Variants in SLC22A3 observed in about 807,000 individuals in gnomAD.
The protein encoded by SLC22A3 is solute carrier family 22 member 3.
A neutral mutation model predicts 59.1 loss-of-function variants in SLC22A3; 51 were observed. The observed-to-expected ratio is 0.86, with a 90% CI of 0.69 to 1.09. The LOEUF is 1.09. Ranked by LOEUF, SLC22A3 falls within the 50% of genes least tolerant of loss-of-function variation. SLC22A3 has a pLI of 0.00. For missense variants in SLC22A3, 711 were observed against 726.3 expected (o/e 0.98, Z 0.24); for synonymous variants, 325 against 292.0 (o/e 1.11, Z -1.15).
At chr6:160,371,049 T>C (rs976302153) in intron 1 of SLC22A3, among the ~76,000 whole-genome samples, 1 of 152,208 alleles carries the variant, frequency 6.6e-6, no homozygotes, top group East Asian at 1.9e-4. Context: ...TGGTAGATTA[T>C]CTTTTGTATT....
At position 160,451,363 on chromosome 6, in the gene SLC22A3, G is replaced by A. The variant is rs748933081; in HGVS notation, c.*307G>A. ...GGTCTCTGACCCATTAGGCTAAAGA[G>A]AGACAAGAGAAGCCCCCAACCTGAT... On this transcript the variant is annotated 3_prime_UTR_variant, in exon 11 of 11. Coordinates refer to ENST00000275300, the MANE Select transcript of SLC22A3 (RefSeq NM_021977.4). 1.2e-5 allele frequency: 4 copies of A among 330,756 alleles called. No individual in the cohort carries two copies. Among genetic ancestry groups the A allele is most frequent in the Non-Finnish European group, 1.7e-5 (3 of 176,302 alleles). 20.5% of individuals were successfully genotyped at this position (330,756 alleles called of 1,614,324 possible). A position where few individuals can be genotyped will look rare whatever the true frequency, so the allele number is the denominator to read the frequency against.
intron 3 of SLC22A3, among the ~76,000 whole-genome samples, chr6:160,407,510 C>T (rs1787065234): frequency 6.6e-6 from 1 of 152,098 alleles, no homozygotes; most frequent in Non-Finnish European, 1.5e-5. Flanking sequence ...TTTATAAAAT[C>T]TCAGTAGCTT....
chr6:160,355,336 G>T lies in SLC22A3; in HGVS notation c.429+6488G>T, dbSNP rs189405588. Among the ~76,000 whole-genome samples, 397 of 152,228 alleles carry T rather than the reference G, an allele frequency of 2.6e-3. 3 individuals carry two copies. Among genetic ancestry groups the T allele is most frequent in the African/African-American group, 8.7e-3 (360 of 41,546 alleles). ...CTCTGTGCCTCCACCCCATGTCTCC[G>T]CCTATAGAGGCTTTTCCCTCTCTTA... On this transcript the variant is annotated intron_variant, in intron 1 of 10. Transcript: ENST00000275300.
intron 7 of SLC22A3, among the ~76,000 whole-genome samples, chr6:160,441,329 A>G (rs1365909615): frequency 1.3e-5 from 2 of 152,152 alleles, no homozygotes; most frequent in African/African-American, 4.8e-5. Context: ...TAAAGAAGCA[A>G]AGCCTAAATA....
intron 5 of SLC22A3, 121 bp from the exon 6 acceptor site, chr6:160,436,659 T>C (rs1788343770): frequency 1.5e-6 from 1 of 681,698 alleles, no homozygotes; most frequent in African/African-American, 1.8e-5. Context: ...GGTTTTAAGA[T>C]ATTATGAAAG....
intron 1 of SLC22A3, among the ~76,000 whole-genome samples, chr6:160,356,000 G>A (rs2114741410): frequency 6.6e-6 from 1 of 152,266 alleles, no homozygotes; most frequent in Non-Finnish European, 1.5e-5. Context: ...TGCCCTCCTA[G>A]CCTAACGCAG....
In SLC22A3 at chr6:160,425,320, G is replaced by T. The variant is rs1445172940; in HGVS notation, c.976-11460G>T. Among the ~76,000 whole-genome samples, 4 of 152,186 alleles carry T rather than the reference G, an allele frequency of 2.6e-5. No individual in the cohort carries two copies. The South Asian group carries it at 8.3e-4, about 32-fold the overall frequency. On this transcript the variant is annotated intron_variant, in intron 5 of 10. Coordinates refer to ENST00000275300, the MANE Select transcript of SLC22A3 (RefSeq NM_021977.4). Reference sequence around the variant, plus strand: ...CATGAAGTTGTCCCAGAAACGAAAGGGTATGGGTATACACAATGTAGCAGT... The same window carrying T: ...CATGAAGTTGTCCCAGAAACGAAAGTGTATGGGTATACACAATGTAGCAGT...
rs112000554 is a variant in SLC22A3 at position 160,449,799 on chromosome 6, C to T, written c.1611-1197C>T. ...AAAGAGAGGAATTTTACAGCTGGGC[C>T]GCTGGGGGTGACATCACATATCGGT... is the stretch of plus-strand genomic sequence containing the variant. On this transcript the variant is annotated intron_variant, in intron 10 of 10. Transcript: ENST00000275300. Among the ~76,000 whole-genome samples, 256 of 152,226 alleles carry T rather than the reference C, an allele frequency of 1.7e-3. 2 individuals carry two copies. In the Middle Eastern group the frequency reaches 0.02, roughly 12 times the overall value.
Position 160,398,024 on chromosome 6 carries a change from G to A in SLC22A3, c.475G>A (p.Ala159Thr). The A allele has an allele frequency of 3.7e-6, 6 of 1,613,726 alleles. No homozygotes were observed. Among genetic ancestry groups the A allele is most frequent in the Non-Finnish European group, 5.1e-6 (6 of 1,179,730 alleles). ...VNAWMLDLTQ[A>T]ILNLGFLTGA... The stretch of plus-strand genomic sequence containing the variant: ...TGCGTGGATGCTGGACCTCACCCAA[G>A]CCATCCTGAACCTCGGCTTCCTGAC... The change falls in exon 2 of 11, where the codon GCC (alanine) becomes ACC (threonine). Residue 159 changes from alanine (A) to threonine (T), a missense_variant. Ala to Thr is a moderately conservative substitution (Grantham distance 58). Coordinates refer to ENST00000275300, the MANE Select transcript of SLC22A3 (RefSeq NM_021977.4).
intron 1 of SLC22A3, among the ~76,000 whole-genome samples, chr6:160,386,230 A>G (rs1011221924): frequency 6.6e-6 from 1 of 152,060 alleles, no homozygotes; most frequent in African/African-American, 2.4e-5. Flanking sequence ...CTGCCCATAT[A>G]TCTCACTCTC....
At chr6:160,380,680 A>G (rs1347399283) in intron 1 of SLC22A3, among the ~76,000 whole-genome samples, 1 of 152,192 alleles carries the variant, frequency 6.6e-6, no homozygotes, top group Admixed American at 6.5e-5. Flanking sequence ...TTAAATTTTC[A>G]AAAAATTAAG....
At chr6:160,437,833 G>A (rs1055423282) in intron 7 of SLC22A3, among the ~76,000 whole-genome samples, 1 of 152,212 alleles carries the variant, frequency 6.6e-6, no homozygotes. Context: ...ATATCAGGGA[G>A]AGAGAGGACG....
In SLC22A3 at chr6:160,437,110, T is replaced by C. The variant is rs1303762894; in HGVS notation, c.1187T>C (p.Leu396Ser). Reference protein sequence around the residue: ...SGVVELPGALLILLTIERLGR... With the variant: ...SGVVELPGALSILLTIERLGR... ...GTGGTGGAACTGCCAGGAGCTCTCT[T>C]GATCTTACTAACCATTGAGCGCCTT... The change falls in exon 7 of 11, where the codon TTG becomes TCG. Residue 396 changes from leucine (L) to serine (S), a missense_variant. By Grantham distance (145) the Leu-to-Ser change is moderately radical. Transcript: ENST00000275300. 2 of 1,614,184 alleles carry C rather than the reference T, an allele frequency of 1.2e-6. No homozygotes were observed. Among genetic ancestry groups the C allele is most frequent in the African/African-American group, 2.7e-5 (2 of 75,058 alleles).
At chr6:160,449,957 C>G (rs1788887553) in intron 10 of SLC22A3, among the ~76,000 whole-genome samples, 1 of 152,106 alleles carries the variant, frequency 6.6e-6, no homozygotes, top group Admixed American at 6.5e-5. Flanking sequence ...GAACAAAGAT[C>G]ACAAGGCAAA....
At chr6:160,372,510 G>A (rs1034851922) in intron 1 of SLC22A3, among the ~76,000 whole-genome samples, 1 of 152,098 alleles carries the variant, frequency 6.6e-6, no homozygotes, top group Non-Finnish European at 1.5e-5. Flanking sequence ...TCTTTGTGGT[G>A]TTCTGAATTT....
chr6:160,359,860 A>G (rs2114749059), intron 1 of SLC22A3, among the ~76,000 whole-genome samples: 1 of 152,332 alleles, frequency 6.6e-6, no homozygotes, highest in Admixed American at 6.5e-5. Context: ...GATTTTCTGT[A>G]AAGAACTGTA....
At chr6:160,417,272 G>A (rs929023708) in intron 5 of SLC22A3, among the ~76,000 whole-genome samples, 1 of 152,192 alleles carries the variant, frequency 6.6e-6, no homozygotes, top group Admixed American at 6.5e-5. Flanking sequence ...TCTGCCACAA[G>A]AACAGCAGAT....
intron 1 of SLC22A3, among the ~76,000 whole-genome samples, chr6:160,392,823 C>G (rs1786314635): frequency 6.6e-6 from 1 of 152,108 alleles, no homozygotes; most frequent in Non-Finnish European, 1.5e-5. Context: ...CCATGGAGGT[C>G]TACATGTCAT....
intron 1 of SLC22A3, among the ~76,000 whole-genome samples, chr6:160,362,343 T>G (rs1785042514): frequency 6.6e-6 from 1 of 152,280 alleles, no homozygotes; most frequent in African/African-American, 2.4e-5. Context: ...GGATTGCTTC[T>G]GTCTTCAAGG....
Sources: allele counts gnomAD v4.1 joint callset (sites outside exome capture counted in the v4.1 genomes callset), GRCh38; gene constraint gnomAD v4.1.1; transcripts MANE v1.5; gene names NCBI Gene and HGNC (gene_info 2026-07-23, HGNC 2026-07-21).